The following KDM4A variants were observed in gnomAD, a reference collection of about 807,000 sequenced individuals.
KDM4A encodes lysine demethylase 4A.
In KDM4A, 23 loss-of-function variants were observed where a neutral mutation model predicts 127.1. That is an observed-to-expected ratio of 0.18 (90% CI 0.13 to 0.26). KDM4A has a LOEUF of 0.26. KDM4A is among the 10% of genes least tolerant of loss of function. KDM4A has a pLI of 1.00. For missense variants in KDM4A, 890 were observed against 1,329.1 expected (o/e 0.67, Z 5.14); for synonymous variants, 443 against 466.5 (o/e 0.95, Z 0.65).
At chr1:43,673,073 TGTCACCAAAA>T (rs1660663509) in intron 11 of KDM4A, among the ~76,000 whole-genome samples, 1 of 152,144 alleles carries the variant, frequency 6.6e-6, no homozygotes, top group Non-Finnish European at 1.5e-5. Flanking sequence ...AAATACATGT[TGTCACCAAAA>T]GCTGATTCCT....
chr1:43,703,826 G>A lies in KDM4A; in HGVS notation c.2961+90G>A. On this transcript the variant is annotated intron_variant, in intron 20 of 21. Coordinates refer to ENST00000372396, the MANE Select transcript of KDM4A (RefSeq NM_014663.3). ...GCCAGAGGCGAGTCTTTGCTCTTAGGAGAACTAATAGGTTGGTAACCCTTT... is the reference window on the plus strand; with the variant it reads ...GCCAGAGGCGAGTCTTTGCTCTTAGAAGAACTAATAGGTTGGTAACCCTTT... The A allele has an allele frequency of 1.9e-6, 3 of 1,547,888 alleles. No individual in the cohort carries two copies. In the South Asian group the frequency reaches 3.5e-5, roughly 18 times the overall value.
intron 12 of KDM4A, among the ~76,000 whole-genome samples, chr1:43,686,335 CT>C (rs35280583): frequency 6.6e-4 from 61 of 92,888 alleles, no homozygotes; most frequent in East Asian, 1.5e-3. Flanking sequence ...CACGCCCAGC[CT>C]TTTTTTTTTT....
At chr1:43,658,260 C>T (rs761062842) in intron 3 of KDM4A, among the ~76,000 whole-genome samples, 24 of 151,192 alleles carry the variant, frequency 1.6e-4, no homozygotes, top group Non-Finnish European at 3.0e-4. Flanking sequence ...TTAGTAGAGA[C>T]GGGGTTTCAC....
rs759869552 is a variant in KDM4A, at chr1:43,690,893, G to A, written c.2086G>A (p.Ala696Thr). Residue 696 changes from alanine (A) to threonine (T), a missense_variant, in exon 14 of 22, where the codon GCC (alanine) becomes ACC (threonine). By Grantham distance (58) the Ala-to-Thr change is moderately conservative (BLOSUM62 0). This residue lies in a region of KDM4A where 389 missense variants were observed against 485.9 expected (regional missense o/e 0.80). Coordinates refer to ENST00000372396, the MANE Select transcript of KDM4A (RefSeq NM_014663.3). ...NQNCGNASDLAPQKQRTKPLI... is the reference protein window; with the variant it reads ...NQNCGNASDLTPQKQRTKPLI... ...GAACTGTGGAAATGCTTCAGATTTA[G>A]CCCCCCAGAAGCAGAGGACCAAGCC... 4 of 1,614,182 alleles carry A rather than the reference G, an allele frequency of 2.5e-6. No individual in the cohort carries two copies. The highest frequency in any genetic ancestry group is 3.4e-6 in the Non-Finnish European group (4 of 1,180,026).
intron 12 of KDM4A, among the ~76,000 whole-genome samples, chr1:43,685,685 A>G (rs1660957643): frequency 6.6e-6 from 1 of 152,040 alleles, no homozygotes; most frequent in Admixed American, 6.6e-5. Context: ...GGAGAATGGC[A>G]TGAACCCAGG....
intron 8 of KDM4A, among the ~76,000 whole-genome samples, chr1:43,667,392 T>C (rs147477041): frequency 6.6e-6 from 1 of 152,322 alleles, no homozygotes; most frequent in Non-Finnish European, 1.5e-5. Flanking sequence ...GGGTTTCCTT[T>C]ACTCTAGGGA....
At chr1:43,686,085 A>G (rs1245171435) in intron 12 of KDM4A, among the ~76,000 whole-genome samples, 1 of 151,016 alleles carries the variant, frequency 6.6e-6, no homozygotes, top group Non-Finnish European at 1.5e-5. Context: ...ATGTCCATGT[A>G]TATCTTTTTA....
At chr1:43,672,756 A>G (rs1660651938) in intron 11 of KDM4A, among the ~76,000 whole-genome samples, 1 of 152,106 alleles carries the variant, frequency 6.6e-6, no homozygotes, top group African/African-American at 2.4e-5. Context: ...GGCCTCCCAA[A>G]GTACTGGGAT....
At chr1:43,684,158 C>T (rs987109406) in intron 12 of KDM4A, among the ~76,000 whole-genome samples, 1 of 152,122 alleles carries the variant, frequency 6.6e-6, no homozygotes, top group Non-Finnish European at 1.5e-5. Flanking sequence ...ATGTCCGTGC[C>T]CTCAAGACAC....
At chr1:43,658,502 A>AAT (rs1301396344) in intron 3 of KDM4A, among the ~76,000 whole-genome samples, 2 of 131,800 alleles carry the variant, frequency 1.5e-5, no homozygotes, top group Non-Finnish European at 3.2e-5. Flanking sequence ...ACTTAGTCAG[A>AAT]TTTTTTTTTT....
chr1:43,650,996 G>A (rs914177817), intron 1 of KDM4A, among the ~76,000 whole-genome samples: 1 of 152,166 alleles, frequency 6.6e-6, no homozygotes, highest in Non-Finnish European at 1.5e-5. Flanking sequence ...AACAATTGAG[G>A]TGAGGGTGAG....
In KDM4A at chr1:43,671,998, A is replaced by G. The variant is rs999743738; in HGVS notation, c.1734+123A>G. On this transcript the variant is annotated intron_variant, in intron 11 of 21. Coordinates refer to ENST00000372396, the MANE Select transcript of KDM4A (RefSeq NM_014663.3). ...TGGAGGTGCTGCAGGAGGGCAGGAG[A>G]GACCCTCAGTCAGTGCCTCTAGCCA... 6 of 1,168,336 alleles carry G rather than the reference A, an allele frequency of 5.1e-6. No homozygotes were observed. The African/African-American group carries it at 7.8e-5, about 15-fold the overall frequency. The allele number at this position is 1,168,336 out of a possible 1,614,324, so 72.4% of individuals were successfully genotyped here.
chr1:43,673,902 A>C (rs1049818090), intron 11 of KDM4A, among the ~76,000 whole-genome samples: 1 of 152,184 alleles, frequency 6.6e-6, no homozygotes, highest in African/African-American at 2.4e-5. Flanking sequence ...CAATCACAAA[A>C]AGCAGCTAAG....
rs769081788 is a variant in KDM4A, at chr1:43,653,179, G to C, written c.4G>C (p.Ala2Pro). Reference sequence around the variant, plus strand: ...GGGACCTCAAAAAGGAGGGAAAATGGCTTCTGAGTCTGAAACTCTGAATCC... The same window carrying C: ...GGGACCTCAAAAAGGAGGGAAAATGCCTTCTGAGTCTGAAACTCTGAATCC... Reference protein sequence around the residue: MASESETLNPSA... With the variant: MPSESETLNPSA... The change falls in exon 2 of 22, where the codon GCT becomes CCT. Residue 2 changes from alanine (A) to proline (P), a missense_variant. This residue lies in a region of KDM4A where 9 missense variants were observed against 18.6 expected (regional missense o/e 0.48). Coordinates refer to ENST00000372396, the MANE Select transcript of KDM4A (RefSeq NM_014663.3). 1 of 1,610,722 alleles carries C rather than the reference G, an allele frequency of 6.2e-7. No homozygotes were observed. The highest frequency in any genetic ancestry group is 8.5e-7 in the Non-Finnish European group (1 of 1,178,214).
At chr1:43,689,229 C>T in intron 13 of KDM4A, 134 bp downstream of exon 13, 2 of 876,044 alleles carry the variant, frequency 2.3e-6, no homozygotes. Context: ...TCTGCCCCAT[C>T]TGTGTATTGG....
At chr1:43,675,093 G>A (rs764311434) in intron 11 of KDM4A, among the ~76,000 whole-genome samples, 2 of 152,006 alleles carry the variant, frequency 1.3e-5, no homozygotes, top group South Asian at 2.1e-4. Context: ...TTTTTATTTC[G>A]GTATGTACTT....
intron 10 of KDM4A, among the ~76,000 whole-genome samples, chr1:43,669,734 T>C (rs542050949): frequency 6.6e-6 from 1 of 151,884 alleles, no homozygotes; most frequent in East Asian, 1.9e-4. Context: ...CTGCAACTTC[T>C]GCCTCCTGGG....
Position 43,704,238 on chromosome 1 carries a change from C to T in KDM4A, c.3063C>T (p.Ala1021=), listed in dbSNP as rs1463838484. The change falls in exon 22 of 22, where the codon GCC becomes GCT. Residue 1021 remains alanine (A), a synonymous_variant. Coordinates refer to ENST00000372396, the MANE Select transcript of KDM4A (RefSeq NM_014663.3). ...PKRVKSRLSV[A]SDMRFNEIFT... ...TGCTTATTCTTCTATAGTCAGTAGC[C>T]TCAGACATGCGCTTCAATGAGATTT... The T allele has an allele frequency of 1.2e-6, 2 of 1,614,078 alleles. No homozygotes were observed.
At position 43,694,586 on chromosome 1, in the gene KDM4A, T is replaced by C; in HGVS notation, c.2485-123T>C. On this transcript the variant is annotated intron_variant, in intron 17 of 21. Coordinates refer to ENST00000372396, the MANE Select transcript of KDM4A (RefSeq NM_014663.3). This position sits in a 1 kb window ranked among gnomAD's most constrained non-coding sequence, Gnocchi z 5.2. ...AGACCTGGATTAGAGCAGGCTGGTG[T>C]GTCCTTGTATTTTGGGAAGGGGCTG... The C allele has an allele frequency of 2.7e-6, 2 of 748,920 alleles. No individual in the cohort carries two copies. Among genetic ancestry groups the C allele is most frequent in the East Asian group, 2.5e-5 (1 of 39,930 alleles). 46.4% of individuals were successfully genotyped at this position (748,920 alleles called of 1,614,324 possible).
Sources: allele counts gnomAD v4.1 joint callset (sites outside exome capture counted in the v4.1 genomes callset), GRCh38; gene constraint gnomAD v4.1.1; regional missense constraint gnomAD v4.1.1; non-coding constraint Gnocchi (gnomAD v3.1); transcripts MANE v1.5; gene names NCBI Gene and HGNC (gene_info 2026-07-23, HGNC 2026-07-21).